PRKCH: variants seen among roughly 807,000 people sequenced by gnomAD.
PRKCH encodes protein kinase C eta type.
PRKCH carries 28 observed loss-of-function variants against 82.5 expected under a neutral mutation model. That is an observed-to-expected ratio of 0.34 (90% confidence interval 0.25 to 0.47). The LOEUF is 0.47. PRKCH is among the 20% of genes least tolerant of loss of function. PRKCH has a pLI of 1.00. For missense variants in PRKCH, 705 were observed against 881.8 expected (o/e 0.80, Z 2.54); for synonymous variants, 322 against 327.4 (o/e 0.98, Z 0.18).
chr14:61,379,474 T>C (rs2046469126), intron 1 of PRKCH, among the ~76,000 whole-genome samples: 1 of 152,254 alleles, frequency 6.6e-6, no homozygotes, highest in Non-Finnish European at 1.5e-5. Flanking sequence ...GAAATGCTTA[T>C]GTATGCTAAA....
Position 61,529,227 on chromosome 14 carries a change from C to T in PRKCH, c.1572+14C>T, listed in dbSNP as rs766700000. On this transcript the variant is annotated intron_variant, in intron 11 of 13. Coordinates refer to ENST00000332981, the MANE Select transcript of PRKCH (RefSeq NM_006255.5). ...ATCGCTCCAGAGGTGAGTGCAGCTG[C>T]TTGATGCAGCTCTGAAATCTGAGCT... The T allele has an allele frequency of 8.8e-6, 14 of 1,599,932 alleles. No homozygotes were observed. In the Admixed American group the frequency reaches 2.4e-4, roughly 28 times the overall value.
At chr14:61,242,644 C>T (rs913681692) in intron 1 of PRKCH, among the ~76,000 whole-genome samples, 1 of 152,084 alleles carries the variant, frequency 6.6e-6, no homozygotes, top group Non-Finnish European at 1.5e-5. Context: ...GTGATCCCCC[C>T]TCCTCGGCCT....
chr14:61,458,066 G>A lies in PRKCH; in HGVS notation c.1278+387G>A, dbSNP rs113457748. Among the ~76,000 whole-genome samples the A allele has an allele frequency of 9.4e-3, 1,427 of 152,346 alleles. 19 individuals are homozygous for A. The highest frequency in any genetic ancestry group is 0.033 in the African/African-American group (1,355 of 41,576). ...GACTCTGCTCCTAAATGCTGGGCTG[G>A]TTCTGACCTGGGCACAGGAGTTTAG... On this transcript the variant is annotated intron_variant, in intron 9 of 13. Transcript: ENST00000332981.
intron 1 of PRKCH, among the ~76,000 whole-genome samples, chr14:61,330,713 A>G (rs1358589925): frequency 6.6e-6 from 1 of 151,710 alleles, no homozygotes; most frequent in Non-Finnish European, 1.5e-5. Context: ...AGACCCCTCC[A>G]CTCCCTGTTA....
At chr14:61,200,934 T>A (rs2044476623) in intron 1 of PRKCH, among the ~76,000 whole-genome samples, 2 of 152,242 alleles carry the variant, frequency 1.3e-5, no homozygotes, top group South Asian at 4.1e-4. Flanking sequence ...TTCCCACTTA[T>A]AAGAGGGGAC....
intron 4 of PRKCH, 39 bp downstream of exon 4, chr14:61,445,765 C>G (rs1013245240): frequency 1.3e-6 from 2 of 1,563,618 alleles, no homozygotes; most frequent in African/African-American, 1.4e-5. Context: ...CATTTTGTTC[C>G]TATGTTAAAA....
chr14:61,479,183 C>G (rs1230513289), intron 9 of PRKCH, among the ~76,000 whole-genome samples: 2 of 152,198 alleles, frequency 1.3e-5, no homozygotes, highest in Admixed American at 6.5e-5. Context: ...ATCCACCCAC[C>G]CAGTCTTTCT....
At chr14:61,489,545 G>A (rs965885192) in intron 10 of PRKCH, among the ~76,000 whole-genome samples, 1 of 152,224 alleles carries the variant, frequency 6.6e-6, no homozygotes, top group Non-Finnish European at 1.5e-5. Context: ...CAGTTCCTAG[G>A]AGACTCAGCA....
At chr14:61,212,887 T>G (rs907560448) in intron 1 of PRKCH, among the ~76,000 whole-genome samples, 1 of 152,184 alleles carries the variant, frequency 6.6e-6, no homozygotes, top group African/African-American at 2.4e-5. Flanking sequence ...TGAAATAACA[T>G]TTTCCAGTTG....
chr14:61,423,407 A>T (rs1305331543), intron 2 of PRKCH, among the ~76,000 whole-genome samples: 1 of 152,214 alleles, frequency 6.6e-6, no homozygotes. Context: ...CAGTTGAATG[A>T]CTGTGCCAGA....
chr14:61,203,583 G>A (rs568038635), intron 1 of PRKCH, among the ~76,000 whole-genome samples: 1 of 152,254 alleles, frequency 6.6e-6, no homozygotes, highest in Non-Finnish European at 1.5e-5. Flanking sequence ...CCCAAGGTTG[G>A]CATTGGGGGC....
intron 2 of PRKCH, among the ~76,000 whole-genome samples, chr14:61,422,412 A>T (rs1882883727): frequency 6.6e-6 from 1 of 152,190 alleles, no homozygotes; most frequent in Non-Finnish European, 1.5e-5. Context: ...TTTAAGTAGG[A>T]GCATAGCAGG....
chr14:61,271,390 C>T (rs547320673), intron 1 of PRKCH, among the ~76,000 whole-genome samples: 1 of 152,326 alleles, frequency 6.6e-6, no homozygotes, highest in Admixed American at 6.5e-5. Context: ...CAAGTGAAAT[C>T]CCCCTCCACC....
intron 7 of PRKCH, among the ~76,000 whole-genome samples, chr14:61,456,462 T>C (rs1884772390): frequency 6.6e-6 from 1 of 152,242 alleles, no homozygotes; most frequent in Non-Finnish European, 1.5e-5. Flanking sequence ...TTAGAACTCA[T>C]ATTCTTGAAA....
chr14:61,411,641 A>G (rs934147705), intron 2 of PRKCH, among the ~76,000 whole-genome samples: 16 of 152,212 alleles, frequency 1.1e-4, no homozygotes, highest in African/African-American at 2.9e-4. Context: ...GCTATAGCAC[A>G]GGAAAAGGGA....
intron 1 of PRKCH, among the ~76,000 whole-genome samples, chr14:61,329,292 A>G (rs1167968093): frequency 8.6e-6 from 1 of 116,284 alleles, no homozygotes; most frequent in Admixed American, 1.3e-4. Context: ...GCTGGAGTAC[A>G]GTGGCACGAT....
intron 9 of PRKCH, among the ~76,000 whole-genome samples, chr14:61,470,897 T>A (rs1384988493): frequency 2.0e-5 from 3 of 152,036 alleles, no homozygotes; most frequent in Non-Finnish European, 4.4e-5. Flanking sequence ...AATCCTGGGA[T>A]GTGTTTGTCA....
chr14:61,257,297 G>A (rs72725877), intron 1 of PRKCH, among the ~76,000 whole-genome samples: 21 of 152,114 alleles, frequency 1.4e-4, no homozygotes, highest in South Asian at 2.1e-4. Context: ...AAGAAAGCAC[G>A]CAGGCCCAGC....
intron 1 of PRKCH, among the ~76,000 whole-genome samples, chr14:61,377,431 T>C (rs559832136): frequency 6.6e-6 from 1 of 152,360 alleles, no homozygotes; most frequent in Admixed American, 6.5e-5. Flanking sequence ...TCTATTTGAG[T>C]ACTTTTGTGT....
Sources: gnomAD v4.1 joint callset for allele counts (sites outside exome capture counted in the v4.1 genomes callset) on GRCh38, gnomAD v4.1.1 for gene constraint, MANE v1.5 for transcripts, NCBI Gene and HGNC (gene_info 2026-07-23, HGNC 2026-07-21) for gene names.